Variants in RAI1 observed in about 807,000 individuals in gnomAD.
The protein encoded by RAI1 is retinoic acid induced 1.
Under a neutral mutation model 123.8 loss-of-function variants are expected in RAI1, and 9 were observed. That is an observed-to-expected ratio of 0.07 (90% CI 0.04 to 0.13). RAI1 has a LOEUF of 0.13. Among genes scored for constraint, RAI1 ranks in the 10% least tolerant of loss-of-function variants. The pLI, the probability that RAI1 is intolerant of heterozygous loss-of-function variation, is 1.00. For missense variants in RAI1, 2,256 were observed against 2,545.8 expected, an observed-to-expected ratio of 0.89 and a Z score of 2.45; for synonymous variants, 1,231 against 1,127.3, an observed-to-expected ratio of 1.09 and a Z score of -1.84.
Position 17,796,701 on chromosome 17 carries a change from C to T in RAI1, c.3753C>T (p.Ala1251=), listed in dbSNP as rs776718852. 6.2e-7 allele frequency: 1 copy of T among 1,613,468 alleles called. No individual in the cohort carries two copies. The highest frequency in any genetic ancestry group is 2.2e-5 in the East Asian group (1 of 44,886). The change falls in exon 3 of 6, where the codon GCC becomes GCT. Residue 1251 remains alanine (A), a synonymous_variant. Transcript: ENST00000353383. The surrounding 1 kb of genome is among the most constrained non-coding windows in gnomAD (Gnocchi z 5.8). Reference sequence around the variant, plus strand: ...GCCGCAGCAGCAGCAGCAGCAACGCCAGTGGCAATGGGGGAGATGGGAAGG... The same window carrying T: ...GCCGCAGCAGCAGCAGCAGCAACGCTAGTGGCAATGGGGGAGATGGGAAGG... The part of the protein sequence containing the change: ...LRSRSSSSSN[A]SGNGGDGKEE...
Position 17,809,347 on chromosome 17 carries a change from C to T in RAI1, c.5660-43C>T. The T allele has an allele frequency of 6.4e-7, 1 of 1,556,388 alleles. No homozygotes were observed. The highest frequency in any genetic ancestry group is 8.9e-7 in the Non-Finnish European group (1 of 1,128,006). On this transcript the variant is annotated intron_variant, in intron 4 of 5. Coordinates refer to ENST00000353383, the MANE Select transcript of RAI1 (RefSeq NM_030665.4). This position sits in a 1 kb window ranked among gnomAD's most constrained non-coding sequence, Gnocchi z 4.9. ...CAGACAAAACCCCACAGCTGTGGGGCCCCCACCCTGTCCTAACCACCGAAA... is the reference window on the plus strand; with the variant it reads ...CAGACAAAACCCCACAGCTGTGGGGTCCCCACCCTGTCCTAACCACCGAAA...
rs12603397 is a variant in RAI1 at position 17,767,188 on chromosome 17, C to T, written c.-16-25745C>T. Among the ~76,000 whole-genome samples, 491 of 152,250 alleles carry T rather than the reference C, an allele frequency of 3.2e-3. 7 individuals are homozygous for T. The highest frequency in any genetic ancestry group is 0.03 in the East Asian group (155 of 5,180). On this transcript the variant is annotated intron_variant, in intron 2 of 5. Coordinates refer to ENST00000353383, the MANE Select transcript of RAI1 (RefSeq NM_030665.4). ...GGTGGAAATGTCCCAGGGAGGACCC[C>T]GGGGCCTGAGGAGCCTACTGAATCC... is the stretch of plus-strand genomic sequence containing the variant.
chr17:17,754,226 CAG>C (rs1487442155), intron 2 of RAI1, among the ~76,000 whole-genome samples: 4 of 89,032 alleles, frequency 4.5e-5, no homozygotes, highest in African/African-American at 5.1e-5. Context: ...TTTTTTGAGA[CAG>C]AGTTTCGCTC....
chr17:17,809,316 T>C lies in RAI1; in HGVS notation c.5660-74T>C. 1 of 1,357,584 alleles carries C rather than the reference T, an allele frequency of 7.4e-7. No homozygotes were observed. The highest frequency in any genetic ancestry group is 1.2e-5 in the South Asian group (1 of 85,884). 84.1% of individuals were successfully genotyped at this position (1,357,584 alleles called of 1,614,324 possible). A position where few individuals can be genotyped will look rare whatever the true frequency, so the allele number is the denominator to read the frequency against. Reference sequence around the variant, plus strand: ...CTCGCGGGCAGTGCGGCTCCCCTCCTGGCTGCAGACAAAACCCCACAGCTG... The same window carrying C: ...CTCGCGGGCAGTGCGGCTCCCCTCCCGGCTGCAGACAAAACCCCACAGCTG... On this transcript the variant is annotated intron_variant, in intron 4 of 5. Transcript: ENST00000353383. This position sits in a 1 kb window ranked among gnomAD's most constrained non-coding sequence, Gnocchi z 4.9.
At chr17:17,715,519 A>G (rs944800103) in intron 1 of RAI1, among the ~76,000 whole-genome samples, 10 of 152,192 alleles carry the variant, frequency 6.6e-5, no homozygotes, top group African/African-American at 2.2e-4. Flanking sequence ...CCACCAGGGC[A>G]TTCTGGGATG....
At chr17:17,790,323 G>T (rs1318568672) in intron 2 of RAI1, among the ~76,000 whole-genome samples, 1 of 152,226 alleles carries the variant, frequency 6.6e-6, no homozygotes, top group Non-Finnish European at 1.5e-5. Flanking sequence ...TTCCAGGGTG[G>T]TGTTGGGGCG....
intron 2 of RAI1, among the ~76,000 whole-genome samples, chr17:17,738,209 G>A (rs1916500359): frequency 1.3e-5 from 2 of 152,038 alleles, no homozygotes. Flanking sequence ...AGGAAGGTGA[G>A]GGGGTTGATC....
chr17:17,803,694 T>G, intron 3 of RAI1, 62 bp from the exon 4 acceptor site: 1 of 1,496,426 alleles, frequency 6.7e-7, no homozygotes. Flanking sequence ...CCTACCAGCC[T>G]GTAAAGCTTG....
At chr17:17,738,839 T>G (rs1287306022) in intron 2 of RAI1, among the ~76,000 whole-genome samples, 1 of 152,164 alleles carries the variant, frequency 6.6e-6, no homozygotes, top group Non-Finnish European at 1.5e-5. Flanking sequence ...TTTTCAGGCC[T>G]GCATTACCTT....
chr17:17,756,412 G>A (rs1210741590), intron 2 of RAI1, among the ~76,000 whole-genome samples: 3 of 152,002 alleles, frequency 2.0e-5, no homozygotes, highest in African/African-American at 4.8e-5. Context: ...GGTCAGGCTG[G>A]TCTGGACCTC....
intron 2 of RAI1, among the ~76,000 whole-genome samples, chr17:17,752,070 A>C (rs1166385137): frequency 6.6e-6 from 1 of 152,212 alleles, no homozygotes; most frequent in African/African-American, 2.4e-5. Context: ...GCCCTGGGCA[A>C]AACGTGACCC....
At position 17,797,052 on chromosome 17, in the gene RAI1, C is replaced by A; in HGVS notation, c.4104C>A (p.Leu1368=). 1 of 1,613,954 alleles carries A rather than the reference C, an allele frequency of 6.2e-7. No homozygotes were observed. The highest frequency in any genetic ancestry group is 8.5e-7 in the Non-Finnish European group (1 of 1,180,040). Residue 1368 remains leucine (L), a synonymous_variant, in exon 3 of 6, where the codon CTC becomes CTA. Transcript: ENST00000353383. ...CCCTTTCCGACAAAGACCGTGGGCTCAAGGGTGCTGGGGGCAGCCCAGTGG... is the reference window on the plus strand; with the variant it reads ...CCCTTTCCGACAAAGACCGTGGGCTAAAGGGTGCTGGGGGCAGCCCAGTGG... ...SPSLSDKDRG[L]KGAGGSPVGV...
intron 1 of RAI1, among the ~76,000 whole-genome samples, chr17:17,690,884 A>T (rs558768954): frequency 6.6e-6 from 1 of 152,176 alleles, no homozygotes; most frequent in African/African-American, 2.4e-5. Context: ...GGGATGGGGA[A>T]TCAGAGCTGG....
At chr17:17,746,865 C>T (rs573413162) in intron 2 of RAI1, among the ~76,000 whole-genome samples, 2 of 151,996 alleles carry the variant, frequency 1.3e-5, no homozygotes, top group South Asian at 4.2e-4. Flanking sequence ...GAACTCCCGA[C>T]CTTGGGTGAT....
intron 1 of RAI1, among the ~76,000 whole-genome samples, chr17:17,708,114 C>T (rs940675448): frequency 6.6e-6 from 1 of 152,192 alleles, no homozygotes; most frequent in African/African-American, 2.4e-5. Flanking sequence ...GCACCCCAGG[C>T]CTCTCAGGTC....
intron 2 of RAI1, among the ~76,000 whole-genome samples, chr17:17,730,453 G>C (rs1306470823): frequency 2.0e-5 from 3 of 152,260 alleles, no homozygotes; most frequent in Non-Finnish European, 4.4e-5. Context: ...CTCTGCCAGG[G>C]CAGCCCATGG....
chr17:17,726,532 T>G (rs759840319), intron 2 of RAI1, among the ~76,000 whole-genome samples: 3 of 152,220 alleles, frequency 2.0e-5, no homozygotes, highest in Non-Finnish European at 4.4e-5. Context: ...TTTCTTCCTA[T>G]CTTCCTTAGG....
At chr17:17,691,380 GC>G (rs1914831985) in intron 1 of RAI1, among the ~76,000 whole-genome samples, 1 of 152,236 alleles carries the variant, frequency 6.6e-6, no homozygotes, top group Non-Finnish European at 1.5e-5. Flanking sequence ...AGCAGATGGA[GC>G]CCCTGCCCGT....
intron 2 of RAI1, among the ~76,000 whole-genome samples, chr17:17,742,427 ATGAATGAATGAATGAACGAG>A (rs1179768676): frequency 6.6e-6 from 1 of 152,228 alleles, no homozygotes; most frequent in African/African-American, 2.4e-5. Flanking sequence ...GAATGAATGA[ATGAATGAATGAATGAACGAG>A]TGAATGAATG....
Sources: allele counts gnomAD v4.1 joint callset (sites outside exome capture counted in the v4.1 genomes callset), GRCh38; gene constraint gnomAD v4.1.1; non-coding constraint Gnocchi (gnomAD v3.1); transcripts MANE v1.5; gene names NCBI Gene and HGNC (gene_info 2026-07-23, HGNC 2026-07-21).